Variants in RORA observed in about 807,000 individuals in gnomAD.
RORA encodes the protein RAR related orphan receptor A.
Under a neutral mutation model 69.5 loss-of-function variants are expected in RORA, and 7 were observed. That is an observed-to-expected ratio of 0.10 (90% confidence interval 0.06 to 0.19). RORA has a LOEUF of 0.19. RORA is among the 10% of genes least tolerant of loss of function. The pLI is 1.00. For synonymous variants in RORA, 261 were observed against 240.8 expected, an observed-to-expected ratio of 1.08 and a Z score of -0.78; for missense variants, 457 against 663.0, an observed-to-expected ratio of 0.69 and a Z score of 3.41.
chr15:60,640,568 C>T (rs1052771836), intron 2 of RORA, among the ~76,000 whole-genome samples: 4 of 152,330 alleles, frequency 2.6e-5, no homozygotes, highest in South Asian at 2.1e-4. Context: ...TGTGATCAAG[C>T]CCCTGCCTAC....
chr15:61,219,662 G>A (rs1038709469), intron 1 of RORA, among the ~76,000 whole-genome samples: 4 of 152,094 alleles, frequency 2.6e-5, no homozygotes, highest in African/African-American at 9.7e-5. Context: ...AGGTAAGAAA[G>A]TACAAGACTT....
At chr15:60,533,768 C>T (rs2066597268) in intron 2 of RORA, among the ~76,000 whole-genome samples, 1 of 152,160 alleles carries the variant, frequency 6.6e-6, no homozygotes, top group African/African-American at 2.4e-5. Context: ...AATTAGGCAC[C>T]ATGAAGTCCT....
intron 1 of RORA, among the ~76,000 whole-genome samples, chr15:61,199,342 C>T (rs563531571): frequency 1.1e-4 from 17 of 152,196 alleles, no homozygotes; most frequent in African/African-American, 3.4e-4. Flanking sequence ...AATGAATACA[C>T]GAACGAATCC....
chr15:60,886,310 T>C (rs2073749370), intron 1 of RORA, among the ~76,000 whole-genome samples: 1 of 152,166 alleles, frequency 6.6e-6, no homozygotes, highest in South Asian at 2.1e-4. Flanking sequence ...TTCATTGAAG[T>C]GACTGGACAA....
chr15:61,085,833 G>A (rs188518320), intron 1 of RORA, among the ~76,000 whole-genome samples: 1 of 152,342 alleles, frequency 6.6e-6, no homozygotes, highest in East Asian at 1.9e-4. Flanking sequence ...ATGGAGTGAG[G>A]AGAACTACTG....
chr15:61,178,377 C>A (rs1336302006), intron 1 of RORA, among the ~76,000 whole-genome samples: 1 of 152,144 alleles, frequency 6.6e-6, no homozygotes, highest in Non-Finnish European at 1.5e-5. Flanking sequence ...CTCTTTCATC[C>A]TTTTTCCCCA....
At position 60,968,875 on chromosome 15, in the gene RORA, C is replaced by G. The variant is rs76572656; in HGVS notation, c.166+260178G>C. 8.0e-3 allele frequency among the ~76,000 whole-genome samples: 1,222 copies of G among 152,288 alleles called. 24 individuals carry two copies. Among genetic ancestry groups the G allele is most frequent in the African/African-American group, 0.028 (1,168 of 41,560 alleles). ...ATCATGTTTTTGATAGCAAAATGAT[C>G]TAGTTCAGGATCACAAGCTGCCTTT... On this transcript the variant is annotated intron_variant, in intron 1 of 10. Coordinates refer to ENST00000335670, the MANE Select transcript of RORA (RefSeq NM_134261.3).
intron 1 of RORA, among the ~76,000 whole-genome samples, chr15:61,225,892 T>G (rs1204609021): frequency 1.3e-5 from 2 of 152,218 alleles, no homozygotes; most frequent in Non-Finnish European, 2.9e-5. Context: ...TTTTTTCTCT[T>G]TCATTGTGTT....
At chr15:60,515,655 TG>T (rs2065841807) in intron 3 of RORA, among the ~76,000 whole-genome samples, 1 of 151,316 alleles carries the variant, frequency 6.6e-6, no homozygotes, top group Non-Finnish European at 1.5e-5. Context: ...TCTCATTCAG[TG>T]AAAAACATGT....
chr15:61,191,712 T>C (rs570139735), intron 1 of RORA, among the ~76,000 whole-genome samples: 3 of 152,272 alleles, frequency 2.0e-5, no homozygotes, highest in South Asian at 4.1e-4. Flanking sequence ...GCAGCACACA[T>C]AGTAATCCAA....
At chr15:60,744,932 A>G (rs1399539065) in intron 1 of RORA, among the ~76,000 whole-genome samples, 1 of 152,164 alleles carries the variant, frequency 6.6e-6, no homozygotes, top group Non-Finnish European at 1.5e-5. Flanking sequence ...CACTGATTAA[A>G]TGGAAATGCT....
At chr15:60,968,850 A>G (rs1165635017) in intron 1 of RORA, among the ~76,000 whole-genome samples, 3 of 152,186 alleles carry the variant, frequency 2.0e-5, no homozygotes, top group African/African-American at 4.8e-5. Context: ...AAATGTACCC[A>G]TCATGTTTTT....
chr15:60,888,955 A>G (rs1043045134), intron 1 of RORA, among the ~76,000 whole-genome samples: 1 of 152,346 alleles, frequency 6.6e-6, no homozygotes, highest in African/African-American at 2.4e-5. Context: ...CCTTCACCAC[A>G]GAAAAACAAT....
intron 1 of RORA, among the ~76,000 whole-genome samples, chr15:60,780,987 C>T (rs1440226240): frequency 6.6e-6 from 1 of 152,162 alleles, no homozygotes; most frequent in Non-Finnish European, 1.5e-5. Context: ...TAGGTGGATT[C>T]TATTATTATC....
intron 1 of RORA, among the ~76,000 whole-genome samples, chr15:61,010,780 C>T (rs1895062333): frequency 1.3e-5 from 2 of 152,130 alleles, no homozygotes; most frequent in African/African-American, 2.4e-5. Context: ...ACAATAAGAA[C>T]ATTGCATGAC....
At chr15:60,679,918 T>TTTTG (rs138371554) in intron 1 of RORA, among the ~76,000 whole-genome samples, 1,677 of 151,416 alleles carry the variant, frequency 0.011, 14 homozygotes, top group African/African-American at 0.016. Context: ...AAAACTATTG[T>TTTTG]TTTGTTTGTT....
intron 2 of RORA, among the ~76,000 whole-genome samples, chr15:60,666,355 T>C (rs1391663551): frequency 2.0e-5 from 3 of 150,324 alleles, no homozygotes; most frequent in Non-Finnish European, 3.0e-5. Context: ...TCTTTTTTTT[T>C]TTTTTTTTTT....
intron 1 of RORA, among the ~76,000 whole-genome samples, chr15:61,075,087 A>C (rs1209131825): frequency 7.4e-6 from 1 of 134,880 alleles, no homozygotes; most frequent in Non-Finnish European, 1.6e-5. Flanking sequence ...ACTCTATCTC[A>C]AAAAAAAAAA....
intron 2 of RORA, among the ~76,000 whole-genome samples, chr15:60,620,288 C>T (rs2069370343): frequency 1.3e-5 from 2 of 152,154 alleles, no homozygotes; most frequent in Admixed American, 1.3e-4. Flanking sequence ...ATGGTATTAG[C>T]TCAAATAAGG....
Sources: gnomAD v4.1 joint callset for allele counts (sites outside exome capture counted in the v4.1 genomes callset) on GRCh38, gnomAD v4.1.1 for gene constraint, MANE v1.5 for transcripts, NCBI Gene and HGNC (gene_info 2026-07-23, HGNC 2026-07-21) for gene names.